Variants in EPB41L1 observed in about 807,000 individuals in gnomAD.
EPB41L1 encodes the protein band 4.1-like protein 1.
Under a neutral mutation model 97.8 loss-of-function variants are expected in EPB41L1, and 29 were observed. That is an observed-to-expected ratio of 0.30 (90% CI 0.22 to 0.40). The LOEUF is 0.40. EPB41L1 is among the 10% of genes least tolerant of loss of function. The pLI is 1.00. For synonymous variants in EPB41L1, 383 were observed against 459.2 expected, an observed-to-expected ratio of 0.83 and a Z score of 2.12; for missense variants, 812 against 1,162.3, an observed-to-expected ratio of 0.70 and a Z score of 4.38.
intron 2 of EPB41L1, among the ~76,000 whole-genome samples, chr20:36,147,050 G>A (rs1452398402): frequency 6.6e-6 from 1 of 152,044 alleles, no homozygotes; most frequent in Non-Finnish European, 1.5e-5. Flanking sequence ...AGGGGGCTGA[G>A]GTAGGAGGAT....
intron 1 of EPB41L1, among the ~76,000 whole-genome samples, chr20:36,163,534 G>C (rs529090929): frequency 6.6e-6 from 1 of 152,310 alleles, no homozygotes; most frequent in Admixed American, 6.5e-5. Flanking sequence ...AGCATCAGGT[G>C]GTGGATCAGT....
At chr20:36,178,725 A>AT in intron 5 of EPB41L1, 53 bp downstream of exon 5, 1 of 1,577,000 alleles carries the variant, frequency 6.3e-7, no homozygotes, top group Non-Finnish European at 8.7e-7. Context: ...ATTCCAGGCC[A>AT]TGAGAGCCCC....
At chr20:36,171,859 A>C (rs974707298) in intron 1 of EPB41L1, among the ~76,000 whole-genome samples, 3 of 152,120 alleles carry the variant, frequency 2.0e-5, no homozygotes, top group African/African-American at 7.2e-5. Flanking sequence ...GTCTAGCCTG[A>C]ATCTCTCTCA....
intron 1 of EPB41L1, among the ~76,000 whole-genome samples, chr20:36,172,898 C>T (rs1226886400): frequency 3.9e-5 from 6 of 152,188 alleles, no homozygotes; most frequent in Non-Finnish European, 5.9e-5. Flanking sequence ...CCGCGCCTGG[C>T]GTGTTTTGTT....
chr20:36,137,391 A>AT (rs1214008084), intron 2 of EPB41L1, among the ~76,000 whole-genome samples: 2 of 146,360 alleles, frequency 1.4e-5, no homozygotes, highest in African/African-American at 5.1e-5. Context: ...ATTAAAAAAA[A>AT]TTTTTTTTGG....
intron 19 of EPB41L1, among the ~76,000 whole-genome samples, 182 bp downstream of exon 19, chr20:36,220,026 C>T (rs1401335540): frequency 2.0e-5 from 3 of 152,278 alleles, no homozygotes; most frequent in African/African-American, 7.2e-5. Flanking sequence ...CGGGCCCTTC[C>T]CACACGGCGT....
chr20:36,124,835 G>A (rs1032965194), intron 2 of EPB41L1, among the ~76,000 whole-genome samples: 1 of 152,208 alleles, frequency 6.6e-6, no homozygotes, highest in African/African-American at 2.4e-5. Flanking sequence ...CATAGGGTAT[G>A]GCTCTTAGGA....
intron 1 of EPB41L1, among the ~76,000 whole-genome samples, chr20:36,094,739 C>G (rs1393666559): frequency 6.6e-6 from 1 of 152,102 alleles, no homozygotes; most frequent in African/African-American, 2.4e-5. Flanking sequence ...AGCTTTCTGT[C>G]CCCTCCTTGA....
intron 2 of EPB41L1, among the ~76,000 whole-genome samples, chr20:36,122,245 T>G (rs1467726874): frequency 6.6e-6 from 1 of 152,198 alleles, no homozygotes; most frequent in Admixed American, 6.5e-5. Flanking sequence ...CTTGCCCAAC[T>G]GACGCAAACA....
chr20:36,222,464 T>A, intron 21 of EPB41L1, 70 bp downstream of exon 21: 1 of 1,275,866 alleles, frequency 7.8e-7, no homozygotes, highest in Non-Finnish European at 1.1e-6. Context: ...TGAGGGCCAT[T>A]TCCATCTGAG....
chr20:36,228,109 C>T (rs1268990591), intron 21 of EPB41L1, among the ~76,000 whole-genome samples: 1 of 152,192 alleles, frequency 6.6e-6, no homozygotes, highest in African/African-American at 2.4e-5. Flanking sequence ...TCTGTGATTC[C>T]GTTAGCACTC....
Position 36,212,294 on chromosome 20 carries a change from C to G in EPB41L1, c.2102C>G (p.Thr701Ser). Residue 701 changes from threonine to serine, a missense_variant, in exon 16 of 22, where the codon ACT (threonine) becomes AGT (serine). Thr to Ser is a moderately conservative substitution (Grantham distance 58). Coordinates refer to ENST00000338074, the MANE Select transcript of EPB41L1 (RefSeq NM_012156.2). This position sits in a 1 kb window ranked among gnomAD's most constrained non-coding sequence, Gnocchi z 4.8. ...QFEPVKTETMTVSSLAIRKKI... is the reference protein window; with the variant it reads ...QFEPVKTETMSVSSLAIRKKI... ...CAGCCCGTGAAAACAGAAACCATGA[C>G]TGTCAGCAGTCTGGCCATTAGAAAG... 2 of 1,614,214 alleles carry G rather than the reference C, an allele frequency of 1.2e-6. No homozygotes were observed. The highest frequency in any genetic ancestry group is 1.7e-6 in the Non-Finnish European group (2 of 1,180,024).
rs773802695 is a variant in EPB41L1 at position 36,185,264 on chromosome 20, C to T, written c.714C>T (p.Ser238=). Residue 238 remains serine (S), a synonymous_variant, in exon 7 of 22, where the codon AGC becomes AGT. Transcript: ENST00000338074. ...AGGAGCATGTGGGCAACTATGTCAGCGAGCTCCGCTTCGCCCCTAACCAGA... is the reference window on the plus strand; with the variant it reads ...AGGAGCATGTGGGCAACTATGTCAGTGAGCTCCGCTTCGCCCCTAACCAGA... The part of the protein sequence containing the change: ...DAEEHVGNYV[S]ELRFAPNQTR... 1.5e-5 allele frequency: 25 copies of T among 1,613,774 alleles called. 1 individual carries two copies. Among genetic ancestry groups the T allele is most frequent in the South Asian group, 1.1e-4 (10 of 91,070 alleles).
chr20:36,105,909 T>C (rs2058174822), intron 1 of EPB41L1, among the ~76,000 whole-genome samples: 1 of 152,068 alleles, frequency 6.6e-6, no homozygotes, highest in Non-Finnish European at 1.5e-5. Context: ...CTTTTCCCTA[T>C]TCTGGAATCT....
chr20:36,177,010 T>A (rs1304081325), intron 3 of EPB41L1, among the ~76,000 whole-genome samples: 1 of 152,184 alleles, frequency 6.6e-6, no homozygotes, highest in Non-Finnish European at 1.5e-5. Flanking sequence ...CTATGTCCTC[T>A]CTCCTACCTT....
chr20:36,214,266 C>A, intron 16 of EPB41L1, 91 bp from the exon 17 acceptor site: 1 of 979,648 alleles, frequency 1.0e-6, no homozygotes, highest in Non-Finnish European at 1.6e-6. Context: ...CACAGCCTGT[C>A]ACTTTGTAAC....
At chr20:36,105,974 CT>C (rs2058178097) in intron 1 of EPB41L1, among the ~76,000 whole-genome samples, 2 of 152,178 alleles carry the variant, frequency 1.3e-5, no homozygotes, top group Admixed American at 6.5e-5. Flanking sequence ...CCACCTGGCC[CT>C]TTCCCCTGCC....
At chr20:36,228,822 C>T (rs747528820) in intron 21 of EPB41L1, among the ~76,000 whole-genome samples, 2 of 152,022 alleles carry the variant, frequency 1.3e-5, no homozygotes, top group Non-Finnish European at 2.9e-5. Flanking sequence ...GAAAAAAGAA[C>T]ATCTGCAATC....
intron 2 of EPB41L1, among the ~76,000 whole-genome samples, chr20:36,118,867 G>A (rs1009930996): frequency 2.6e-5 from 4 of 152,130 alleles, no homozygotes; most frequent in African/African-American, 9.7e-5. Context: ...GGAGGACTTA[G>A]GGCAAGAATA....
Sources: gnomAD v4.1 joint callset for allele counts (sites outside exome capture counted in the v4.1 genomes callset) on GRCh38, gnomAD v4.1.1 for gene constraint, Gnocchi (gnomAD v3.1) non-coding constraint, MANE v1.5 for transcripts, NCBI Gene and HGNC (gene_info 2026-07-23, HGNC 2026-07-21) for gene names.